The following CBFA2T3 variants were observed in gnomAD, a reference collection of about 807,000 sequenced individuals.
CBFA2T3 encodes CBFA2/RUNX1 partner transcriptional co-repressor 3, also known as transcriptional corepressor CBFA2T3.
A neutral mutation model predicts 58.6 loss-of-function variants in CBFA2T3; 31 were observed. The observed-to-expected ratio is 0.53, with a 90% CI of 0.40 to 0.71. The LOEUF is 0.71. CBFA2T3 is among the 30% of genes least tolerant of loss of function. CBFA2T3 has a pLI of 0.00. For missense variants in CBFA2T3, 1,076 were observed against 963.1 expected (o/e 1.12, Z -1.55); for synonymous variants, 531 against 421.9 (o/e 1.26, Z -3.17).
chr16:88,906,304 C>T (rs1970330557), intron 1 of CBFA2T3, among the ~76,000 whole-genome samples: 2 of 152,060 alleles, frequency 1.3e-5, no homozygotes, highest in South Asian at 2.1e-4. Context: ...CGGCCACAGG[C>T]CATTTCTACT....
At chr16:88,904,889 G>A (rs992296470) in intron 1 of CBFA2T3, among the ~76,000 whole-genome samples, 6 of 152,182 alleles carry the variant, frequency 3.9e-5, no homozygotes, top group East Asian at 1.9e-4. Context: ...GGAAGATGAC[G>A]CGGAGTTCCC....
At chr16:88,925,949 A>G (rs1217353168) in intron 1 of CBFA2T3, among the ~76,000 whole-genome samples, 1 of 152,254 alleles carries the variant, frequency 6.6e-6, no homozygotes, top group Non-Finnish European at 1.5e-5. Context: ...GACCAGGACC[A>G]GAAAGACACG....
chr16:88,973,046 C>T (rs900567775), intron 1 of CBFA2T3, among the ~76,000 whole-genome samples: 11 of 152,218 alleles, frequency 7.2e-5, no homozygotes, highest in Admixed American at 3.3e-4. Flanking sequence ...TCCACCAGCT[C>T]CAAAGCCCAG....
chr16:88,910,609 T>C (rs1970500409), intron 1 of CBFA2T3, among the ~76,000 whole-genome samples: 1 of 152,170 alleles, frequency 6.6e-6, no homozygotes, highest in Admixed American at 6.5e-5. Context: ...TGGGGTGAGC[T>C]GCGGATGGCG....
At position 88,891,582 on chromosome 16, in the gene CBFA2T3, G is replaced by A. The variant is rs140564022; in HGVS notation, c.711+300C>T. 1.6e-3 allele frequency among the ~76,000 whole-genome samples: 250 copies of A among 152,336 alleles called. 1 individual carries two copies. Among genetic ancestry groups the A allele is most frequent in the African/African-American group, 5.7e-3 (237 of 41,578 alleles). Reference sequence around the variant, plus strand: ...GAGCACATTCGGCCAACGGCAACCAGAGGCGAACCGGACAGCTCTGTCCTG... The same window carrying A: ...GAGCACATTCGGCCAACGGCAACCAAAGGCGAACCGGACAGCTCTGTCCTG... On this transcript the variant is annotated intron_variant, in intron 5 of 11. Transcript: ENST00000268679.
At chr16:88,975,588 G>A (rs1972835819) in intron 1 of CBFA2T3, among the ~76,000 whole-genome samples, 2 of 152,278 alleles carry the variant, frequency 1.3e-5, no homozygotes, top group African/African-American at 4.8e-5. Context: ...CAGTGGGCTG[G>A]TGCTGCCTTG....
rs568694295 is a variant in CBFA2T3 at position 88,900,424 on chromosome 16, C to T, written c.304+1080G>A. 6.0e-3 allele frequency among the ~76,000 whole-genome samples: 920 copies of T among 152,376 alleles called. 21 individuals carry two copies. Among genetic ancestry groups the T allele is most frequent in the Non-Finnish European group, 1.8e-3 (120 of 68,032 alleles). ...AGCCCTCGGCGGAGCAGGCCCCCAG[C>T]CTCAGCGGCAGAGCCAGGGAGGGAG... On this transcript the variant is annotated intron_variant, in intron 2 of 11. Coordinates refer to ENST00000268679, the MANE Select transcript of CBFA2T3 (RefSeq NM_005187.6).
chr16:88,904,704 A>T (rs1474232981), intron 1 of CBFA2T3, among the ~76,000 whole-genome samples: 3 of 150,586 alleles, frequency 2.0e-5, no homozygotes, highest in Non-Finnish European at 4.4e-5. Flanking sequence ...AGGAGATGGG[A>T]CCTTTCCGGG....
intron 1 of CBFA2T3, among the ~76,000 whole-genome samples, chr16:88,917,134 C>T (rs952039593): frequency 2.0e-4 from 31 of 152,006 alleles, no homozygotes; most frequent in African/African-American, 7.5e-4. Flanking sequence ...CTGGTGGAAT[C>T]TGAGATCATC....
intron 1 of CBFA2T3, among the ~76,000 whole-genome samples, chr16:88,918,219 C>A (rs113357108): frequency 6.6e-6 from 1 of 152,234 alleles, no homozygotes; most frequent in Non-Finnish European, 1.5e-5. Context: ...TGCAAACACG[C>A]GCACAAATGG....
At chr16:88,957,559 T>C (rs1972249705) in intron 1 of CBFA2T3, 1 of 152,276 alleles carries the variant, frequency 6.6e-6, no homozygotes, top group African/African-American at 2.4e-5. Context: ...TCAGTGTACA[T>C]CTGGGAAGCC....
chr16:88,940,975 T>A, intron 1 of CBFA2T3: 1 of 910,650 alleles, frequency 1.1e-6, no homozygotes, highest in Non-Finnish European at 1.3e-6. Flanking sequence ...GCGGGCGGAG[T>A]CGGGGTAGAG....
Position 88,901,338 on chromosome 16 carries a change from T to C in CBFA2T3, c.304+166A>G, listed in dbSNP as rs111323555. 9.3e-3 allele frequency among the ~76,000 whole-genome samples: 1,414 copies of C among 152,260 alleles called. 27 individuals are homozygous for C. Among genetic ancestry groups the C allele is most frequent in the African/African-American group, 0.032 (1,350 of 41,542 alleles). On this transcript the variant is annotated intron_variant, in intron 2 of 11. Coordinates refer to ENST00000268679, the MANE Select transcript of CBFA2T3 (RefSeq NM_005187.6). The stretch of plus-strand genomic sequence containing the variant: ...GCTACCCAGTGGGAAGCAGGGAAGC[T>C]GGGATTTGAACCGGCCAAGCCTGGG...
At chr16:88,899,830 C>T (rs1461561130) in intron 2 of CBFA2T3, among the ~76,000 whole-genome samples, 8 of 152,160 alleles carry the variant, frequency 5.3e-5, no homozygotes, top group South Asian at 2.1e-4. Context: ...CCGTCCTGAG[C>T]GTTTCCTCCC....
chr16:88,888,149 C>CGA (rs967260530), intron 5 of CBFA2T3, among the ~76,000 whole-genome samples: 34 of 152,108 alleles, frequency 2.2e-4, no homozygotes, highest in African/African-American at 7.9e-4. Flanking sequence ...ACCCCAACTA[C>CGA]GAGAGAGAGG....
chr16:88,886,343 G>C (rs530916958), intron 5 of CBFA2T3: 2 of 436,000 alleles, frequency 4.6e-6, no homozygotes, highest in African/African-American at 2.0e-5. Context: ...TGGGCACAGA[G>C]CTTCGCAGGA....
chr16:88,973,156 C>T (rs552613958), intron 1 of CBFA2T3, among the ~76,000 whole-genome samples: 135 of 152,362 alleles, frequency 8.9e-4, no homozygotes, highest in African/African-American at 3.2e-3. Context: ...GGGGCACCTC[C>T]CATAACCGGG....
At chr16:88,895,376 C>G (rs527574198) in intron 3 of CBFA2T3, among the ~76,000 whole-genome samples, 1 of 152,338 alleles carries the variant, frequency 6.6e-6, no homozygotes, top group Admixed American at 6.5e-5. Context: ...GAAGTGCGCC[C>G]GGGTCAGGAA....
At chr16:88,897,717 C>T (rs939288124) in intron 3 of CBFA2T3, among the ~76,000 whole-genome samples, 4 of 152,210 alleles carry the variant, frequency 2.6e-5, no homozygotes, top group African/African-American at 9.7e-5. Context: ...TGGGGTCTGC[C>T]CTAGCAATAG....
Sources: allele counts gnomAD v4.1 joint callset (sites outside exome capture counted in the v4.1 genomes callset), GRCh38; gene constraint gnomAD v4.1.1; transcripts MANE v1.5; gene names NCBI Gene and HGNC (gene_info 2026-07-23, HGNC 2026-07-21).